Variants in SLC12A2 observed in about 807,000 individuals in gnomAD.
The protein encoded by SLC12A2 is Na-K-2Cl cotransporter 1.
A neutral mutation model predicts 136.3 loss-of-function variants in SLC12A2; 67 were observed. That is an observed-to-expected ratio of 0.49 (90% CI 0.40 to 0.60). The LOEUF is 0.60. Among genes scored for constraint, SLC12A2 ranks in the 20% least tolerant of loss-of-function variants. SLC12A2 has a pLI of 0.00. For missense variants in SLC12A2, 1,322 were observed against 1,534.7 expected, an observed-to-expected ratio of 0.86 and a Z score of 2.32; for synonymous variants, 619 against 562.9, an observed-to-expected ratio of 1.10 and a Z score of -1.41.
chr5:128,138,144 G>T (rs1040543261), intron 7 of SLC12A2, among the ~76,000 whole-genome samples: 1 of 152,018 alleles, frequency 6.6e-6, no homozygotes, highest in African/African-American at 2.4e-5. Context: ...TCCTTGTGTT[G>T]CCCAGGCTGG....
intron 1 of SLC12A2, among the ~76,000 whole-genome samples, chr5:128,088,007 CTGTGTGTG>C (rs58191870): frequency 5.6e-4 from 79 of 140,392 alleles, no homozygotes; most frequent in African/African-American, 1.7e-3. Context: ...GGAGGAGGCT[CTGTGTGTG>C]TGTGTGTGTG....
chr5:128,159,604 ACTTTT>A (rs1196101590), intron 16 of SLC12A2, among the ~76,000 whole-genome samples: 1 of 152,202 alleles, frequency 6.6e-6, no homozygotes, highest in East Asian at 1.9e-4. Flanking sequence ...ATGAACAGAC[ACTTTT>A]CTTATGTGGT....
intron 9 of SLC12A2, among the ~76,000 whole-genome samples, chr5:128,139,735 T>G (rs1762299533): frequency 6.6e-6 from 1 of 152,210 alleles, no homozygotes; most frequent in Admixed American, 6.5e-5. Context: ...TTAAGCATAA[T>G]GCAAAAGTAA....
intron 7 of SLC12A2, among the ~76,000 whole-genome samples, chr5:128,138,284 A>G (rs1390250584): frequency 1.3e-5 from 2 of 151,900 alleles, no homozygotes; most frequent in Non-Finnish European, 2.9e-5. Context: ...TACCTCAGAG[A>G]TTGAGGGGAT....
In SLC12A2 at chr5:128,177,206, T is replaced by C. The variant is rs547830252; in HGVS notation, c.2977+54T>C. ...ACCCTTTTTCATACTGTAAACTCTT[T>C]AACTCCAACCTTATTCCCTTTTTTT... On this transcript the variant is annotated intron_variant, in intron 21 of 26. Coordinates refer to ENST00000262461, the MANE Select transcript of SLC12A2 (RefSeq NM_001046.3). 5.5e-4 allele frequency: 694 copies of C among 1,268,452 alleles called. 1 individual carries two copies. Among genetic ancestry groups the C allele is most frequent in the Non-Finnish European group, 7.3e-4 (656 of 895,324 alleles). The allele number at this position is 1,268,452 out of a possible 1,614,324, so 78.6% of individuals were successfully genotyped here. A position where few individuals can be genotyped will look rare whatever the true frequency, so the allele number is the denominator to read the frequency against.
At chr5:128,103,404 G>A (rs1222742783) in intron 1 of SLC12A2, among the ~76,000 whole-genome samples, 2 of 152,174 alleles carry the variant, frequency 1.3e-5, no homozygotes. Context: ...CTTGAGAACA[G>A]ACACTCATTT....
Position 128,174,537 on chromosome 5 carries a change from A to G in SLC12A2, c.2804-4A>G, listed in dbSNP as rs750928417. 4 of 1,594,980 alleles carry G rather than the reference A, an allele frequency of 2.5e-6. No homozygotes were observed. Among genetic ancestry groups the G allele is most frequent in the East Asian group, 2.3e-5 (1 of 44,336 alleles). Reference sequence around the variant, plus strand: ...TACTATTTTAAATAATTTTCTGTCTACAGAAGAATTATTGTCATCACAAGA... The same window carrying G: ...TACTATTTTAAATAATTTTCTGTCTGCAGAAGAATTATTGTCATCACAAGA... On this transcript the variant is annotated splice_polypyrimidine_tract_variant and splice_region_variant and intron_variant, in intron 19 of 26. Transcript: ENST00000262461.
intron 1 of SLC12A2, among the ~76,000 whole-genome samples, chr5:128,093,887 T>C (rs1416559182): frequency 6.6e-6 from 1 of 152,136 alleles, no homozygotes; most frequent in Non-Finnish European, 1.5e-5. Flanking sequence ...CCCTGCATTG[T>C]CTATTTCTGG....
At chr5:128,180,079 C>T (rs1348013632) in intron 22 of SLC12A2, among the ~76,000 whole-genome samples, 3 of 148,340 alleles carry the variant, frequency 2.0e-5, no homozygotes, top group African/African-American at 4.9e-5. Flanking sequence ...ACACCATTCT[C>T]CTGCCTCAGC....
intron 26 of SLC12A2, among the ~76,000 whole-genome samples, chr5:128,186,159 A>G (rs1442980649): frequency 6.6e-6 from 1 of 152,202 alleles, no homozygotes; most frequent in Non-Finnish European, 1.5e-5. Flanking sequence ...ACAGTAACGT[A>G]CTATACAGGT....
intron 10 of SLC12A2, 40 bp downstream of exon 10, chr5:128,142,021 A>T (rs1448446445): frequency 3.2e-6 from 5 of 1,542,020 alleles, no homozygotes; most frequent in Non-Finnish European, 4.5e-6. Flanking sequence ...TTCTGTATTT[A>T]TCTAGGGGTG....
chr5:128,129,125 C>T (rs768151230), intron 4 of SLC12A2, among the ~76,000 whole-genome samples: 2 of 151,984 alleles, frequency 1.3e-5, no homozygotes, highest in Non-Finnish European at 2.9e-5. Context: ...TTTGTATTGT[C>T]AACTACTAAA....
intron 10 of SLC12A2, among the ~76,000 whole-genome samples, chr5:128,146,679 C>G (rs1452167788): frequency 6.6e-6 from 1 of 151,552 alleles, no homozygotes; most frequent in Non-Finnish European, 1.5e-5. Flanking sequence ...GTAACTCTTC[C>G]TATCCCAGAT....
chr5:128,124,431 A>G (rs1232407342), intron 4 of SLC12A2, among the ~76,000 whole-genome samples: 2 of 152,146 alleles, frequency 1.3e-5, no homozygotes, highest in Admixed American at 1.3e-4. Flanking sequence ...CCAACTGGCT[A>G]TATATTGGGG....
At chr5:128,113,972 G>A (rs11949459) in intron 2 of SLC12A2, among the ~76,000 whole-genome samples, 4,610 of 152,206 alleles carry the variant, frequency 0.03, 218 homozygotes, top group African/African-American at 0.1. Flanking sequence ...ATTGTGATGA[G>A]TGCATTTATT....
At chr5:128,125,678 C>G (rs1761762816) in intron 4 of SLC12A2, among the ~76,000 whole-genome samples, 2 of 150,882 alleles carry the variant, frequency 1.3e-5, no homozygotes, top group South Asian at 4.2e-4. Flanking sequence ...TCCGGTTTCT[C>G]TTTTTTTTTA....
In SLC12A2 at chr5:128,134,178, T is replaced by A. The variant is rs2126702034; in HGVS notation, c.1202T>A (p.Leu401His). Reference protein sequence around the residue: ...VVELLKEHSILMIDEINDIRI... With the variant: ...VVELLKEHSIHMIDEINDIRI... ...TCCTTTTTCTAGGAACATTCCATAC[T>A]TATGATAGATGAAATCAATGATATC... is the stretch of plus-strand genomic sequence containing the variant. The change falls in exon 6 of 27, where the codon CTT becomes CAT. Residue 401 changes from leucine to histidine, a missense_variant. Around this residue, in one of 8 missense-constraint regions of SLC12A2, gnomAD observed 110 missense variants for 114.5 expected, o/e 0.96. Coordinates refer to ENST00000262461, the MANE Select transcript of SLC12A2 (RefSeq NM_001046.3). 1 of 1,564,392 alleles carries A rather than the reference T, an allele frequency of 6.4e-7. No individual in the cohort carries two copies. Among genetic ancestry groups the A allele is most frequent in the East Asian group, 2.2e-5 (1 of 44,468 alleles).
At chr5:128,111,813 C>CAT (rs141588608) in intron 1 of SLC12A2, among the ~76,000 whole-genome samples, 45,603 of 146,618 alleles carry the variant, frequency 0.31, 8,235 homozygotes, top group African/African-American at 0.51. Context: ...TGTGTATATA[C>CAT]GTGTGTGTGT....
At chr5:128,099,950 G>A (rs1390349702) in intron 1 of SLC12A2, among the ~76,000 whole-genome samples, 1 of 151,972 alleles carries the variant, frequency 6.6e-6, no homozygotes, top group Non-Finnish European at 1.5e-5. Flanking sequence ...GTAGAAGTAA[G>A]CTGTAAAACA....
Sources: allele counts gnomAD v4.1 joint callset (sites outside exome capture counted in the v4.1 genomes callset), GRCh38; gene constraint gnomAD v4.1.1; regional missense constraint gnomAD v4.1.1; transcripts MANE v1.5; gene names NCBI Gene and HGNC (gene_info 2026-07-23, HGNC 2026-07-21).